The following ASTN2 variants were observed in gnomAD, a reference collection of about 807,000 sequenced individuals.
ASTN2 encodes the protein astrotactin 2.
Under a neutral mutation model 139.8 loss-of-function variants are expected in ASTN2, and 54 were observed. The ratio of observed to expected loss-of-function variants is 0.39; its 90% confidence interval spans 0.31 to 0.48. The LOEUF is 0.48. ASTN2 is among the 20% of genes least tolerant of loss of function. The pLI, the probability that ASTN2 is intolerant of heterozygous loss-of-function variation, is 0.95. For missense variants in ASTN2, 1,565 were observed against 1,725.1 expected, an observed-to-expected ratio of 0.91 and a Z score of 1.64; for synonymous variants, 756 against 719.5, an observed-to-expected ratio of 1.05 and a Z score of -0.81.
At chr9:116,947,334 G>C (rs951015721) in intron 10 of ASTN2, among the ~76,000 whole-genome samples, 8 of 152,202 alleles carry the variant, frequency 5.3e-5, no homozygotes, top group Admixed American at 5.2e-4. Flanking sequence ...AGACATCTGA[G>C]TTAGGCTGAT....
intron 19 of ASTN2, among the ~76,000 whole-genome samples, chr9:116,531,571 T>G (rs567901693): frequency 7.1e-6 from 1 of 140,622 alleles, no homozygotes; most frequent in Non-Finnish European, 1.5e-5. Flanking sequence ...TGTGTCCAAG[T>G]GTTCTCATTG....
chr9:117,109,343 TAAATAAATAAATAA>T (rs201103257), intron 4 of ASTN2, among the ~76,000 whole-genome samples: 32,510 of 145,840 alleles, frequency 0.22, 4,397 homozygotes, highest in Middle Eastern at 0.41. Context: ...AAAAAATAAA[TAAATAAATAAATAA>T]AAATAAATAA....
chr9:116,923,372 T>C (rs539930780), intron 10 of ASTN2, among the ~76,000 whole-genome samples: 1 of 152,286 alleles, frequency 6.6e-6, no homozygotes, highest in Non-Finnish European at 1.5e-5. Flanking sequence ...AGATGCTCCT[T>C]AACCCTACAA....
chr9:116,838,066 C>G lies in ASTN2; in HGVS notation c.2041-17283G>C, dbSNP rs950288919. Among the ~76,000 whole-genome samples, 7 of 150,996 alleles carry G rather than the reference C, an allele frequency of 4.6e-5. 1 individual carries two copies. Among genetic ancestry groups the G allele is most frequent in the African/African-American group, 1.5e-4 (6 of 40,924 alleles). ...CCTGGATAAATGCATGTGAATGGCTCTCCAGATTGCTGGATTCCAGTTCTG... is the reference window on the plus strand; with the variant it reads ...CCTGGATAAATGCATGTGAATGGCTGTCCAGATTGCTGGATTCCAGTTCTG... On this transcript the variant is annotated intron_variant, in intron 11 of 22. Coordinates refer to ENST00000313400, the MANE Select transcript of ASTN2 (RefSeq NM_001365068.1).
intron 1 of ASTN2, among the ~76,000 whole-genome samples, chr9:117,293,963 T>A (rs891202192): frequency 4.6e-5 from 7 of 152,198 alleles, no homozygotes; most frequent in Non-Finnish European, 5.9e-5. Context: ...TACATCTGGT[T>A]GACACAGCCT....
intron 13 of ASTN2, among the ~76,000 whole-genome samples, chr9:116,761,508 A>G (rs143738673): frequency 6.6e-6 from 1 of 152,312 alleles, no homozygotes; most frequent in African/African-American, 2.4e-5. Flanking sequence ...CCTGATGTCA[A>G]TCAAGAATGA....
At chr9:116,803,481 A>AACATATAT (rs1830924635) in intron 13 of ASTN2, among the ~76,000 whole-genome samples, 3 of 80,116 alleles carry the variant, frequency 3.7e-5, no homozygotes, top group African/African-American at 8.2e-5. Context: ...AAGTTCGAAT[A>AACATATAT]ATATATATAT....
intron 1 of ASTN2, among the ~76,000 whole-genome samples, chr9:117,351,747 T>C (rs1457263080): frequency 8.9e-6 from 1 of 112,888 alleles, no homozygotes; most frequent in Admixed American, 1.1e-4. Flanking sequence ...GAAAGCTCTG[T>C]TTTCTGCCCC....
intron 1 of ASTN2, among the ~76,000 whole-genome samples, chr9:117,353,422 G>A (rs1281984345): frequency 6.6e-6 from 1 of 152,166 alleles, no homozygotes; most frequent in African/African-American, 2.4e-5. Context: ...TGGCTACTGT[G>A]TGCTGGGCAA....
intron 4 of ASTN2, among the ~76,000 whole-genome samples, chr9:117,138,937 G>C (rs1230457214): frequency 6.6e-6 from 1 of 152,160 alleles, no homozygotes; most frequent in Non-Finnish European, 1.5e-5. Flanking sequence ...ATGCCTAATA[G>C]TAGGGGCTTA....
chr9:117,090,170 A>G (rs192443519), intron 5 of ASTN2, among the ~76,000 whole-genome samples: 1 of 152,334 alleles, frequency 6.6e-6, no homozygotes, highest in East Asian at 1.9e-4. Flanking sequence ...TGTGTTGCCT[A>G]TGGCAGGTTT....
At chr9:116,822,232 G>T (rs1275395419) in intron 11 of ASTN2, among the ~76,000 whole-genome samples, 1 of 151,666 alleles carries the variant, frequency 6.6e-6, no homozygotes, top group Non-Finnish European at 1.5e-5. Flanking sequence ...ATTAAATTTT[G>T]CCTGAGAAGA....
intron 13 of ASTN2, among the ~76,000 whole-genome samples, chr9:116,762,756 T>A (rs565810050): frequency 2.6e-5 from 4 of 152,250 alleles, no homozygotes; most frequent in Non-Finnish European, 5.9e-5. Flanking sequence ...GCAAGAGTTG[T>A]CTATGGCTGT....
intron 1 of ASTN2, among the ~76,000 whole-genome samples, chr9:117,395,759 C>T (rs957883023): frequency 3.3e-5 from 5 of 152,128 alleles, no homozygotes; most frequent in African/African-American, 1.2e-4. Context: ...CACAGAACCC[C>T]CATGAAACCA....
intron 2 of ASTN2, among the ~76,000 whole-genome samples, chr9:117,215,482 T>TAATATATATAC (rs1362887688): frequency 6.7e-6 from 1 of 148,638 alleles, no homozygotes; most frequent in Non-Finnish European, 1.5e-5. Flanking sequence ...TATATATATA[T>TAATATATATAC]AATGTGTATA....
intron 2 of ASTN2, among the ~76,000 whole-genome samples, chr9:117,253,763 C>A (rs981191271): frequency 2.0e-5 from 3 of 152,154 alleles, no homozygotes; most frequent in African/African-American, 4.8e-5. Flanking sequence ...GGAGCTGGGG[C>A]AGAATTGTGG....
chr9:117,262,671 C>G (rs1833852874), intron 2 of ASTN2, among the ~76,000 whole-genome samples: 1 of 152,012 alleles, frequency 6.6e-6, no homozygotes, highest in Admixed American at 6.6e-5. Flanking sequence ...ATACTCAGAA[C>G]CTGTGAATAT....
At chr9:117,407,917 C>G (rs78437294) in intron 1 of ASTN2, among the ~76,000 whole-genome samples, 1,809 of 152,288 alleles carry the variant, frequency 0.012, 14 homozygotes, top group African/African-American at 0.026. Context: ...GAAGCCTCCT[C>G]TAATGCTGCT....
intron 19 of ASTN2, among the ~76,000 whole-genome samples, chr9:116,554,143 G>C (rs10983233): frequency 0.09 from 13,699 of 152,164 alleles, 628 homozygotes; most frequent in East Asian, 0.15. Context: ...TCTTATGTAT[G>C]ATGGAAAAAT....
Sources: gnomAD v4.1 joint callset for allele counts (sites outside exome capture counted in the v4.1 genomes callset) on GRCh38, gnomAD v4.1.1 for gene constraint, MANE v1.5 for transcripts, NCBI Gene and HGNC (gene_info 2026-07-23, HGNC 2026-07-21) for gene names.